Variants in PI15 observed in about 807,000 individuals in gnomAD.
PI15 encodes the protein 25 kDa trypsin inhibitor.
PI15 carries 18 observed loss-of-function variants against 31.0 expected under a neutral mutation model. The ratio of observed to expected loss-of-function variants is 0.58; its 90% CI spans 0.40 to 0.86. The LOEUF (loss-of-function observed/expected upper bound fraction) is 0.86. PI15 is among the 40% of genes least tolerant of loss of function. The pLI is 0.00. For synonymous variants in PI15, 118 were observed against 119.1 expected, an observed-to-expected ratio of 0.99 and a Z score of 0.06; for missense variants, 282 against 328.1, an observed-to-expected ratio of 0.86 and a Z score of 1.09.
Position 74,849,137 on chromosome 8 carries a change from G to A in PI15, c.661G>A (p.Ala221Thr), listed in dbSNP as rs770086861. The change falls in exon 6 of 6, where the codon GCA (alanine) becomes ACA (threonine). Residue 221 changes from alanine (A) to threonine (T), a missense_variant. Ala to Thr is a moderately conservative substitution (Grantham distance 58, BLOSUM62 0). Coordinates refer to ENST00000260113, the MANE Select transcript of PI15 (RefSeq NM_015886.5). ...YAPKGNWIGE[A>T]PYKVGVPCSS... Reference sequence around the variant, plus strand: ...TTCTAGGGGCAATTGGATTGGAGAAGCACCATATAAAGTAGGGGTACCATG... The same window carrying A: ...TTCTAGGGGCAATTGGATTGGAGAAACACCATATAAAGTAGGGGTACCATG... 5.6e-6 allele frequency: 9 copies of A among 1,612,752 alleles called. No homozygotes were observed. The highest frequency in any genetic ancestry group is 1.6e-4 in the Middle Eastern group (1 of 6,074).
chr8:74,847,988 C>T (rs1676853933), intron 5 of PI15, among the ~76,000 whole-genome samples: 1 of 152,144 alleles, frequency 6.6e-6, no homozygotes, highest in African/African-American at 2.4e-5. Flanking sequence ...TATCACCACA[C>T]TACTGAAAAC....
intron 2 of PI15, among the ~76,000 whole-genome samples, chr8:74,834,044 T>C (rs1810826824): frequency 6.6e-6 from 1 of 152,170 alleles, no homozygotes; most frequent in Non-Finnish European, 1.5e-5. Flanking sequence ...CTTAGGAGAA[T>C]CTAATGCTCT....
At chr8:74,826,785 A>C (rs565557956) in intron 2 of PI15, among the ~76,000 whole-genome samples, 1 of 152,070 alleles carries the variant, frequency 6.6e-6, no homozygotes, top group Non-Finnish European at 1.5e-5. Flanking sequence ...GCCACACAGC[A>C]TTGTTGTGAG....
At chr8:74,836,560 A>G (rs1156340570) in intron 2 of PI15, among the ~76,000 whole-genome samples, 1 of 152,162 alleles carries the variant, frequency 6.6e-6, no homozygotes, top group African/African-American at 2.4e-5. Flanking sequence ...AAGGATGGAA[A>G]AAAAAAGAGA....
At chr8:74,847,173 C>T (rs578005269) in intron 5 of PI15, among the ~76,000 whole-genome samples, 151 of 152,186 alleles carry the variant, frequency 9.9e-4, no homozygotes, top group African/African-American at 3.4e-3. Context: ...GGGCCAGGTG[C>T]GATGGCTCAC....
chr8:74,830,103 T>C (rs1212385533), intron 2 of PI15, among the ~76,000 whole-genome samples: 1 of 151,996 alleles, frequency 6.6e-6, no homozygotes, highest in Non-Finnish European at 1.5e-5. Context: ...GAGTAAGCAA[T>C]GCCAATCCTT....
rs963335277 is a variant in PI15, at chr8:74,854,853, A to C, written c.*5600A>C. On this transcript the variant is annotated 3_prime_UTR_variant, in exon 6 of 6. Coordinates refer to ENST00000260113, the MANE Select transcript of PI15 (RefSeq NM_015886.5). ...TTTTTTAAACAGATTAATTTGGAGA[A>C]GTTTTATTCATTACCTAATTCTGTG... is the stretch of plus-strand genomic sequence containing the variant. 2 of 152,138 alleles carry C rather than the reference A, an allele frequency of 1.3e-5. No individual in the cohort carries two copies. The highest frequency in any genetic ancestry group is 1.3e-4 in the Admixed American group (2 of 15,258). The allele number at this position is 152,138 out of a possible 1,614,324, so 9.4% of individuals were successfully genotyped here.
intron 2 of PI15, among the ~76,000 whole-genome samples, chr8:74,837,350 T>C (rs1206098945): frequency 6.6e-6 from 1 of 152,156 alleles, no homozygotes; most frequent in African/African-American, 2.4e-5. Context: ...AAGCCCTTTC[T>C]CTTCCTCTGC....
chr8:74,831,493 TC>T (rs774179320), intron 2 of PI15, among the ~76,000 whole-genome samples: 26 of 152,120 alleles, frequency 1.7e-4, no homozygotes. Flanking sequence ...ACTGTGGTGC[TC>T]TGGGGGGCAA....
At chr8:74,847,775 T>C (rs1476711680) in intron 5 of PI15, among the ~76,000 whole-genome samples, 3 of 152,208 alleles carry the variant, frequency 2.0e-5, no homozygotes, top group African/African-American at 7.2e-5. Flanking sequence ...TCATATCTTA[T>C]ACATATACTT....
At chr8:74,831,047 C>T (rs1338103270) in intron 2 of PI15, among the ~76,000 whole-genome samples, 1 of 152,180 alleles carries the variant, frequency 6.6e-6, no homozygotes, top group East Asian at 1.9e-4. Flanking sequence ...CTTATTATCA[C>T]TTTGATACGC....
At chr8:74,833,622 C>A (rs1810819341) in intron 2 of PI15, among the ~76,000 whole-genome samples, 1 of 152,092 alleles carries the variant, frequency 6.6e-6, no homozygotes, top group Non-Finnish European at 1.5e-5. Flanking sequence ...TAATAGCCAC[C>A]ATTAAATACA....
rs760990350 is a variant in PI15 at position 74,845,272 on chromosome 8, T to G, written c.525+12T>G. 2 of 1,610,472 alleles carry G rather than the reference T, an allele frequency of 1.2e-6. No homozygotes were observed. Among genetic ancestry groups the G allele is most frequent in the Non-Finnish European group, 1.7e-6 (2 of 1,176,568 alleles). On this transcript the variant is annotated intron_variant, in intron 4 of 5. Transcript: ENST00000260113. The stretch of plus-strand genomic sequence containing the variant: ...CACATTATACGCAGGTTATTTCAAT[T>G]ACCTTGTTAATTTTTGATTCATACT...
At chr8:74,840,323 T>C (rs1393918725) in intron 2 of PI15, among the ~76,000 whole-genome samples, 2 of 151,952 alleles carry the variant, frequency 1.3e-5, no homozygotes, top group Non-Finnish European at 2.9e-5. Context: ...GCACTGGGTC[T>C]TATTTTTTTC....
At chr8:74,831,849 G>A (rs1810786443) in intron 2 of PI15, among the ~76,000 whole-genome samples, 1 of 151,986 alleles carries the variant, frequency 6.6e-6, no homozygotes, top group South Asian at 2.1e-4. Flanking sequence ...TGTTCTAAGA[G>A]GGTATGTAGT....
At chr8:74,829,829 AAT>A (rs1810755685) in intron 2 of PI15, among the ~76,000 whole-genome samples, 1 of 152,096 alleles carries the variant, frequency 6.6e-6, no homozygotes, top group Admixed American at 6.6e-5. Context: ...GAGCATGTGA[AAT>A]AGATGCCCAG....
In PI15 at chr8:74,825,500, C is replaced by T. The variant is rs747132125; in HGVS notation, c.251C>T (p.Pro84Leu). The T allele has an allele frequency of 1.4e-5, 22 of 1,611,550 alleles. No individual in the cohort carries two copies. Among genetic ancestry groups the T allele is most frequent in the Non-Finnish European group, 1.9e-5 (22 of 1,178,540 alleles). ...HNQVRGKVFP[P>L]AANMEYMVWD... ...CAAGTTCGGGGCAAAGTGTTCCCAC[C>T]GGCAGCAAATATGGAATATATGGTA... Residue 84 changes from proline to leucine, a missense_variant, in exon 2 of 6, where the codon CCG (proline) becomes CTG (leucine). Coordinates refer to ENST00000260113, the MANE Select transcript of PI15 (RefSeq NM_015886.5).
At chr8:74,827,233 T>C (rs1810712739) in intron 2 of PI15, among the ~76,000 whole-genome samples, 1 of 144,714 alleles carries the variant, frequency 6.9e-6, no homozygotes, top group Admixed American at 6.8e-5. Flanking sequence ...TAAGACCCAA[T>C]TCATTTATCT....
chr8:74,828,718 TCTC>T (rs1303847965), intron 2 of PI15, among the ~76,000 whole-genome samples: 2 of 152,054 alleles, frequency 1.3e-5, no homozygotes, highest in African/African-American at 4.8e-5. Flanking sequence ...GTGTTCAACT[TCTC>T]CTCAGTGAGT....
Sources: gnomAD v4.1 joint callset for allele counts (sites outside exome capture counted in the v4.1 genomes callset) on GRCh38, gnomAD v4.1.1 for gene constraint, MANE v1.5 for transcripts, NCBI Gene and HGNC (gene_info 2026-07-23, HGNC 2026-07-21) for gene names.